The following PHF24 variants were observed in gnomAD, a reference collection of about 807,000 sequenced individuals.
PHF24 encodes PHD finger protein 24, also known as Galpha inhibitory interacting protein.
In PHF24, 25 loss-of-function variants were observed where a neutral mutation model predicts 42.6. The observed-to-expected ratio is 0.59, with a 90% confidence interval of 0.43 to 0.82. The LOEUF is 0.82. Among genes scored for constraint, PHF24 ranks in the 40% least tolerant of loss-of-function variants. The pLI, the probability that PHF24 is intolerant of heterozygous loss-of-function variation, is 0.00. For missense variants in PHF24, 470 were observed against 538.1 expected (o/e 0.87, Z 1.25); for synonymous variants, 185 against 204.8 (o/e 0.90, Z 0.83).
At chr9:34,912,369 C>T in the PHF24 span, among the ~76,000 whole-genome samples, 1 of 152,114 alleles carries the variant, frequency 6.6e-6, no homozygotes, top group Admixed American at 6.5e-5. Flanking sequence ...CTCCAACTCT[C>T]TACGAAAGGA....
the PHF24 span, among the ~76,000 whole-genome samples, chr9:34,952,126 T>G: frequency 6.3e-4 from 96 of 152,196 alleles, no homozygotes; most frequent in Middle Eastern, 3.2e-3. Flanking sequence ...CACAATTGTC[T>G]GCATGAAAAC....
chr9:34,960,113 T>G (rs1156890550), intron 1 of PHF24, among the ~76,000 whole-genome samples: 3 of 152,214 alleles, frequency 2.0e-5, no homozygotes, highest in Non-Finnish European at 4.4e-5. Context: ...TCATTCTAGC[T>G]GAATCCCAAG....
chr9:34,691,054 C>T, the PHF24 span: 2 of 1,562,984 alleles, frequency 1.3e-6, no homozygotes, highest in Non-Finnish European at 1.7e-6. Flanking sequence ...TGCCAGCCCC[C>T]CACTGCCTCT....
the PHF24 span, among the ~76,000 whole-genome samples, chr9:34,763,991 G>A: frequency 6.6e-6 from 1 of 151,480 alleles, no homozygotes; most frequent in African/African-American, 2.4e-5. Context: ...TTTATATGCT[G>A]GATTACATTT....
At chr9:34,832,163 C>T in the PHF24 span, 2 of 320,186 alleles carry the variant, frequency 6.2e-6, no homozygotes, top group Non-Finnish European at 1.1e-5. Context: ...GCCCCACCAG[C>T]ATATTTATGG....
chr9:34,857,120 C>T, the PHF24 span, among the ~76,000 whole-genome samples: 3 of 152,180 alleles, frequency 2.0e-5, no homozygotes, highest in Non-Finnish European at 2.9e-5. Flanking sequence ...CTGACTCAAA[C>T]CACAGAGATG....
At chr9:34,924,946 C>T in the PHF24 span, among the ~76,000 whole-genome samples, 1,113 of 152,200 alleles carry the variant, frequency 7.3e-3, 11 homozygotes, top group Non-Finnish European at 0.011. Flanking sequence ...TTGGCTCTAC[C>T]TGTGAGTTTT....
chr9:34,787,327 T>TA, the PHF24 span, among the ~76,000 whole-genome samples: 1,299 of 145,820 alleles, frequency 8.9e-3, 12 homozygotes, highest in Middle Eastern at 0.038. Flanking sequence ...TTTTTAAAAT[T>TA]AAAAAAAAAA....
the PHF24 span, among the ~76,000 whole-genome samples, chr9:34,861,871 T>A: frequency 6.6e-6 from 1 of 152,196 alleles, no homozygotes; most frequent in African/African-American, 2.4e-5. Flanking sequence ...AAACCTAACA[T>A]CATCAATACT....
At chr9:34,873,084 A>G in the PHF24 span, among the ~76,000 whole-genome samples, 1 of 148,996 alleles carries the variant, frequency 6.7e-6, no homozygotes, top group African/African-American at 2.5e-5. Context: ...GTTTGAGTTC[A>G]TTGTAGATTC....
At chr9:34,704,232 C>T in the PHF24 span, among the ~76,000 whole-genome samples, 7 of 148,992 alleles carry the variant, frequency 4.7e-5, no homozygotes, top group East Asian at 2.0e-4. Context: ...GGTCTTGCTT[C>T]GTTGCCCAGG....
chr9:34,814,698 A>T, the PHF24 span, among the ~76,000 whole-genome samples: 1 of 152,216 alleles, frequency 6.6e-6, no homozygotes, highest in Admixed American at 6.5e-5. Flanking sequence ...ATGAAACAGT[A>T]GTAGGATAGT....
the PHF24 span, among the ~76,000 whole-genome samples, chr9:34,823,128 G>A: frequency 3.3e-5 from 5 of 149,538 alleles, no homozygotes; most frequent in Non-Finnish European, 5.9e-5. Context: ...CCCGGGAAGC[G>A]GAGCTTGCAG....
At chr9:34,685,575 C>T in the PHF24 span, among the ~76,000 whole-genome samples, 21 of 152,348 alleles carry the variant, frequency 1.4e-4, no homozygotes, top group African/African-American at 5.1e-4. Flanking sequence ...CCCCAGCCCT[C>T]AGTCCAAGTG....
intron 1 of PHF24, among the ~76,000 whole-genome samples, chr9:34,960,653 G>A (rs988240603): frequency 1.3e-5 from 2 of 152,030 alleles, no homozygotes; most frequent in African/African-American, 4.8e-5. Context: ...TTTTGTTGAG[G>A]GTGCTTATTA....
chr9:34,977,650 G>A lies in PHF24; in HGVS notation c.1106+9G>A. ...ACAGAGCAGGAGTCCAGGTGAGTAG[G>A]ACCTCCTCACCTGGCCATTTGTACC... On this transcript the variant is annotated intron_variant, in intron 7 of 7. Coordinates refer to ENST00000242315, the Ensembl canonical transcript of PHF24. The A allele has an allele frequency of 6.3e-7, 1 of 1,579,344 alleles. No homozygotes were observed. The highest frequency in any genetic ancestry group is 8.6e-7 in the Non-Finnish European group (1 of 1,160,330).
At chr9:34,960,722 T>C (rs1245265542) in intron 1 of PHF24, among the ~76,000 whole-genome samples, 2 of 152,214 alleles carry the variant, frequency 1.3e-5, no homozygotes, top group East Asian at 3.8e-4. Context: ...TCCCCTAATC[T>C]TGGACCTTGG....
intron 1 of PHF24, among the ~76,000 whole-genome samples, chr9:34,959,186 G>A (rs1024864518): frequency 9.9e-5 from 15 of 152,196 alleles, no homozygotes; most frequent in Admixed American, 8.5e-4. Flanking sequence ...GGAGATTTGA[G>A]CCCCTAGGTT....
At chr9:34,803,752 G>A in the PHF24 span, among the ~76,000 whole-genome samples, 5 of 152,190 alleles carry the variant, frequency 3.3e-5, no homozygotes, top group African/African-American at 1.2e-4. Context: ...CATAAAGCTG[G>A]CTTCTTGCAG....
Sources: allele counts gnomAD v4.1 joint callset (sites outside exome capture counted in the v4.1 genomes callset), GRCh38; gene constraint gnomAD v4.1.1; transcripts MANE v1.5; gene names NCBI Gene and HGNC (gene_info 2026-07-23, HGNC 2026-07-21).